The following GPALPP1 variants were observed in gnomAD, a reference collection of about 807,000 sequenced individuals.
The protein encoded by GPALPP1 is GPALPP motifs-containing protein 1.
In GPALPP1, 30 loss-of-function variants were observed where a neutral mutation model predicts 38.9. The observed-to-expected ratio is 0.77, with a 90% confidence interval of 0.58 to 1.05. GPALPP1 has a LOEUF of 1.05. GPALPP1 is among the 50% of genes least tolerant of loss of function. The pLI is 0.00. For missense variants in GPALPP1, 384 were observed against 408.8 expected (o/e 0.94, Z 0.52); for synonymous variants, 120 against 139.2 (o/e 0.86, Z 0.97).
At chr13:45,002,786 G>A (rs1174942177) in intron 1 of GPALPP1, among the ~76,000 whole-genome samples, 1 of 152,108 alleles carries the variant, frequency 6.6e-6, no homozygotes, top group Non-Finnish European at 1.5e-5. Flanking sequence ...CTTTTCTTTA[G>A]CCACACTGGC....
In GPALPP1 at chr13:45,029,034, G is replaced by C. The variant is rs1229126430; in HGVS notation, c.*1031G>C. On this transcript the variant is annotated 3_prime_UTR_variant, in exon 8 of 8. Coordinates refer to ENST00000379151, the MANE Select transcript of GPALPP1 (RefSeq NM_018559.5). ...GATCGTGCCACTGCACTCTAGCCTA[G>C]GTGACAAGATCGAGAGACTCTGTCT... The C allele has an allele frequency of 6.6e-6, 1 of 152,052 alleles. No homozygotes were observed. The highest frequency in any genetic ancestry group is 1.5e-5 in the Non-Finnish European group (1 of 68,022). The allele number at this position is 152,052 out of a possible 1,614,324, so 9.4% of individuals were successfully genotyped here. A position where few individuals can be genotyped will look rare whatever the true frequency, so the allele number is the denominator to read the frequency against.
intron 7 of GPALPP1, among the ~76,000 whole-genome samples, chr13:45,023,262 T>G (rs766646103): frequency 1.3e-5 from 2 of 152,160 alleles, no homozygotes; most frequent in African/African-American, 4.8e-5. Flanking sequence ...ACTAGTTTGG[T>G]CCTGTGTGTC....
intron 1 of GPALPP1, among the ~76,000 whole-genome samples, chr13:44,991,064 G>C (rs1452676696): frequency 1.3e-5 from 2 of 151,568 alleles, no homozygotes; most frequent in African/African-American, 4.8e-5. Context: ...CTCCAGCCTG[G>C]GCGACGGAAC....
intron 4 of GPALPP1, 131 bp from the exon 5 acceptor site, chr13:45,014,821 G>A (rs1240529074): frequency 2.9e-6 from 2 of 683,008 alleles, no homozygotes; most frequent in Admixed American, 3.4e-5. Flanking sequence ...TCAGTGATGA[G>A]CCAGCAATAC....
At chr13:45,003,944 T>TTTTG (rs993725981) in intron 1 of GPALPP1, among the ~76,000 whole-genome samples, 8 of 152,146 alleles carry the variant, frequency 5.3e-5, no homozygotes, top group East Asian at 3.8e-4. Context: ...TGGGGTTTTT[T>TTTTG]TTTGTTTGTT....
downstream of GPALPP1, among the ~76,000 whole-genome samples, chr13:45,032,508 C>T (rs939908568): frequency 6.6e-6 from 1 of 151,806 alleles, no homozygotes; most frequent in Non-Finnish European, 1.5e-5. Flanking sequence ...CGAGTTCAAG[C>T]GATTCTTCTG....
intron 6 of GPALPP1, among the ~76,000 whole-genome samples, chr13:45,017,451 G>A (rs544000918): frequency 5.9e-5 from 9 of 152,286 alleles, no homozygotes; most frequent in African/African-American, 1.4e-4. Flanking sequence ...AAAGGGTGGT[G>A]TTGGAATGCC....
chr13:45,006,706 A>G (rs912212648), intron 3 of GPALPP1, among the ~76,000 whole-genome samples: 4 of 152,134 alleles, frequency 2.6e-5, no homozygotes, highest in South Asian at 2.1e-4. Context: ...CCCATGTGCC[A>G]TGTTAGACAA....
chr13:45,017,893 T>C (rs1247427840), intron 6 of GPALPP1, among the ~76,000 whole-genome samples: 1 of 152,252 alleles, frequency 6.6e-6, no homozygotes. Flanking sequence ...CATATATTTA[T>C]GTCACAAACT....
At chr13:45,030,972 A>C (rs1876167729), downstream of GPALPP1, 1 of 152,078 alleles carries the variant, frequency 6.6e-6, no homozygotes, top group Non-Finnish European at 1.5e-5. Flanking sequence ...CCTGACCAAC[A>C]TGGTGAAATC....
At chr13:45,008,311 C>T (rs901366216) in intron 3 of GPALPP1, among the ~76,000 whole-genome samples, 1 of 152,190 alleles carries the variant, frequency 6.6e-6, no homozygotes, top group African/African-American at 2.4e-5. Flanking sequence ...CTGGCATTGT[C>T]TGCACATGCT....
chr13:45,016,669 GTCTC>G (rs1357755423), intron 6 of GPALPP1, among the ~76,000 whole-genome samples: 2 of 152,008 alleles, frequency 1.3e-5, no homozygotes, highest in African/African-American at 4.8e-5. Context: ...AAGAGACAAG[GTCTC>G]TCTGTCACCC....
chr13:45,036,363 C>A (rs1168109908), exon 8 of GPALPP1: 1 of 152,228 alleles, frequency 6.6e-6, no homozygotes, highest in East Asian at 1.9e-4. Context: ...TTGTCCCTGG[C>A]TGACTTGGGG....
chr13:44,989,635 A>G lies in GPALPP1; in HGVS notation c.-20A>G. The G allele has an allele frequency of 6.2e-7, 1 of 1,603,134 alleles. No homozygotes were observed. Among genetic ancestry groups the G allele is most frequent in the East Asian group, 2.2e-5 (1 of 44,800 alleles). On this transcript the variant is annotated 5_prime_UTR_variant, in exon 1 of 8. Transcript: ENST00000379151. ...GTTCGTGGATAGACTCATATCTGTG[A>G]CCAGTGTCCGCCACCGCGGATGGCA...
chr13:45,035,564 T>C (rs546082560), exon 8 of GPALPP1: 2 of 152,246 alleles, frequency 1.3e-5, no homozygotes, highest in Non-Finnish European at 2.9e-5. Flanking sequence ...GGCCTAATTA[T>C]TGAGGGTTAT....
At chr13:44,990,733 G>A (rs1202910375) in intron 1 of GPALPP1, among the ~76,000 whole-genome samples, 1 of 152,110 alleles carries the variant, frequency 6.6e-6, no homozygotes, top group African/African-American at 2.4e-5. Flanking sequence ...TGGTCTACCC[G>A]GAGGCTATGT....
chr13:45,021,257 A>G (rs1875409432), intron 7 of GPALPP1, among the ~76,000 whole-genome samples: 1 of 152,264 alleles, frequency 6.6e-6, no homozygotes, highest in Non-Finnish European at 1.5e-5. Flanking sequence ...AGTGTATTAA[A>G]GAAAATTCCA....
At chr13:44,997,297 T>C (rs1873364211) in intron 1 of GPALPP1, among the ~76,000 whole-genome samples, 1 of 152,168 alleles carries the variant, frequency 6.6e-6, no homozygotes, top group African/African-American at 2.4e-5. Flanking sequence ...CACACAGGTC[T>C]GAGATGGAAC....
At chr13:45,019,016 TAC>T (rs71812315) in intron 6 of GPALPP1, among the ~76,000 whole-genome samples, 73,921 of 93,022 alleles carry the variant, frequency 0.79, 28,721 homozygotes, top group Non-Finnish European at 0.85. Flanking sequence ...TAAATATATA[TAC>T]ACATATAAAT....
Sources: gnomAD v4.1 joint callset for allele counts (sites outside exome capture counted in the v4.1 genomes callset) on GRCh38, gnomAD v4.1.1 for gene constraint, MANE v1.5 for transcripts, NCBI Gene and HGNC (gene_info 2026-07-23, HGNC 2026-07-21) for gene names.